The following ANK1 variants were observed in gnomAD, a reference collection of about 807,000 sequenced individuals.
ANK1 encodes ankyrin 1, also known as ankyrin-1.
A neutral mutation model predicts 210.4 loss-of-function variants in ANK1; 51 were observed. The observed-to-expected ratio is 0.24, with a 90% CI of 0.19 to 0.31. The LOEUF is 0.31. Among genes scored for constraint, ANK1 ranks in the 10% least tolerant of loss-of-function variants. ANK1 has a pLI of 1.00. For synonymous variants in ANK1, 967 were observed against 1,025.9 expected (o/e 0.94, Z 1.10); for missense variants, 2,051 against 2,504.4 (o/e 0.82, Z 3.86).
At chr8:41,681,129 A>G (rs895200230) in intron 37 of ANK1, among the ~76,000 whole-genome samples, 2 of 152,212 alleles carry the variant, frequency 1.3e-5, no homozygotes, top group South Asian at 4.1e-4. Flanking sequence ...GCAAATGGGC[A>G]ACAGGGGTCA....
intron 1 of ANK1, among the ~76,000 whole-genome samples, chr8:41,859,121 C>T (rs1812758922): frequency 6.6e-6 from 1 of 152,228 alleles, no homozygotes; most frequent in Non-Finnish European, 1.5e-5. Flanking sequence ...GCCCAAAGAG[C>T]GCAGGCCCCC....
chr8:41,769,977 C>CTTTTTTTTT (rs59542968), intron 1 of ANK1, among the ~76,000 whole-genome samples: 135 of 86,644 alleles, frequency 1.6e-3, no homozygotes, highest in East Asian at 2.9e-3. Context: ...TTTCTTTTTT[C>CTTTTTTTTT]TTTTTTTTTT....
intron 13 of ANK1, 123 bp from the exon 14 acceptor site, chr8:41,715,972 T>A: frequency 9.2e-7 from 1 of 1,091,846 alleles, no homozygotes; most frequent in Non-Finnish European, 1.4e-6. Flanking sequence ...GTCACACAGC[T>A]AAGAAGATGA....
intron 1 of ANK1, among the ~76,000 whole-genome samples, chr8:41,765,919 G>A (rs1195708397): frequency 6.6e-6 from 1 of 152,188 alleles, no homozygotes; most frequent in Non-Finnish European, 1.5e-5. Flanking sequence ...ACCCAGGTGA[G>A]AGAACCCCAG....
rs11778833 is a variant in ANK1 at position 41,703,865 on chromosome 8, G to A, written c.2295+176C>T. 0.21 allele frequency among the ~76,000 whole-genome samples: 31,581 copies of A among 152,104 alleles called. 3,853 individuals are homozygous for A. The highest frequency in any genetic ancestry group is 0.31 in the Middle Eastern group (90 of 292). On this transcript the variant is annotated intron_variant, in intron 20 of 42. Coordinates refer to ENST00000289734, the MANE Select transcript of ANK1 (RefSeq NM_000037.4). ...AGGAAAACGATCAATTCACCAGAAA[G>A]AGGAACTGATCACAGCACCCCATCC... is the stretch of plus-strand genomic sequence containing the variant.
intron 1 of ANK1, among the ~76,000 whole-genome samples, chr8:41,776,140 G>T (rs1248964105): frequency 6.6e-6 from 1 of 152,166 alleles, no homozygotes; most frequent in Non-Finnish European, 1.5e-5. Context: ...GCACCATTCT[G>T]CAACCTAAGG....
chr8:41,745,313 G>A (rs1835838951), intron 2 of ANK1, among the ~76,000 whole-genome samples: 1 of 152,194 alleles, frequency 6.6e-6, no homozygotes, highest in Admixed American at 6.5e-5. Flanking sequence ...ACGTGGGATG[G>A]ATACGTGGGA....
chr8:41,773,252 G>C (rs1484060464), intron 1 of ANK1, among the ~76,000 whole-genome samples: 1 of 152,180 alleles, frequency 6.6e-6, no homozygotes, highest in African/African-American at 2.4e-5. Flanking sequence ...GAGGTGATCA[G>C]AGCCCGGATC....
rs1459405732 is a variant in ANK1 at position 41,780,802 on chromosome 8, G to A, written c.27+16710C>T. On this transcript the variant is annotated intron_variant, in intron 1 of 42. Coordinates refer to ENST00000289734, the MANE Select transcript of ANK1 (RefSeq NM_000037.4). The stretch of plus-strand genomic sequence containing the variant: ...TGTGTATATATGTTCTCGTGTGTGT[G>A]TATGTATCTGTGCATGCATGCATAG... Among the ~76,000 whole-genome samples, 4 of 152,182 alleles carry A rather than the reference G, an allele frequency of 2.6e-5. No homozygotes were observed. The East Asian group carries it at 7.7e-4, about 29-fold the overall frequency.
intron 9 of ANK1, among the ~76,000 whole-genome samples, chr8:41,720,979 A>C (rs1829100538): frequency 6.6e-6 from 1 of 152,170 alleles, no homozygotes; most frequent in Non-Finnish European, 1.5e-5. Context: ...AGCTTTTAGA[A>C]AGTGGAAATG....
intron 15 of ANK1, 101 bp downstream of exon 15, chr8:41,714,875 G>A (rs928517802): frequency 3.3e-5 from 41 of 1,246,902 alleles, no homozygotes; most frequent in Non-Finnish European, 4.3e-5. Flanking sequence ...AAAAAAAGAT[G>A]AACAACACAG....
At chr8:41,726,030 T>G (rs1341552383) in intron 5 of ANK1, 84 bp from the exon 6 acceptor site, 1 of 1,489,242 alleles carries the variant, frequency 6.7e-7, no homozygotes, top group Non-Finnish European at 9.1e-7. Context: ...CCCCTCGGGC[T>G]TATGCTCCCA....
chr8:41,672,122 G>A (rs756127748), intron 38 of ANK1, among the ~76,000 whole-genome samples: 1 of 152,130 alleles, frequency 6.6e-6, no homozygotes, highest in Non-Finnish European at 1.5e-5. Context: ...AGTGCTCCTC[G>A]GGGTCTCTCC....
intron 1 of ANK1, among the ~76,000 whole-genome samples, chr8:41,834,920 G>C (rs1229336691): frequency 3.9e-5 from 6 of 152,220 alleles, no homozygotes; most frequent in Non-Finnish European, 7.3e-5. Context: ...TACACACTCA[G>C]TGCGGGGATC....
At chr8:41,847,947 T>A (rs2150809353) in intron 1 of ANK1, among the ~76,000 whole-genome samples, 1 of 152,158 alleles carries the variant, frequency 6.6e-6, no homozygotes, top group Admixed American at 6.5e-5. Flanking sequence ...GGCGGGCAGA[T>A]CACTTGAGAG....
chr8:41,869,056 C>T (rs1443518586), intron 1 of ANK1, among the ~76,000 whole-genome samples: 1 of 152,200 alleles, frequency 6.6e-6, no homozygotes, highest in East Asian at 1.9e-4. Flanking sequence ...AGCCCTGATT[C>T]TGATGAGAAA....
Position 41,702,111 on chromosome 8 carries a change from A to C in ANK1, c.2329T>G (p.Leu777Val). 6.2e-7 allele frequency: 1 copy of C among 1,614,216 alleles called. No individual in the cohort carries two copies. The highest frequency in any genetic ancestry group is 8.5e-7 in the Non-Finnish European group (1 of 1,180,044). The change falls in exon 21 of 43, where the codon TTG (leucine) becomes GTG (valine). Residue 777 changes from leucine (L) to valine (V), a missense_variant. Around this residue, in one of 6 missense-constraint regions of ANK1, gnomAD observed 1,413 missense variants for 1,707.4 expected, o/e 0.83. Transcript: ENST00000289734. Reference protein sequence around the residue: ...GTTPLAIAKRLGYISVTDVLK... With the variant: ...GTTPLAIAKRVGYISVTDVLK... ...ACGTCGGTGACAGAAATGTAGCCCA[A>C]GCGCTTGGCTATGGCCAGAGGTGTG...
intron 2 of ANK1, among the ~76,000 whole-genome samples, chr8:41,749,508 G>T (rs1837132133): frequency 6.6e-6 from 1 of 151,996 alleles, no homozygotes; most frequent in Non-Finnish European, 1.5e-5. Context: ...TGTTGGTCAG[G>T]CTGGTCTCAA....
Position 41,702,109 on chromosome 8 carries a change from C to G in ANK1, c.2331G>C (p.Leu777Phe). The change falls in exon 21 of 43, where the codon TTG (leucine) becomes TTC (phenylalanine). Residue 777 changes from leucine to phenylalanine, a missense_variant. Around this residue, in one of 6 missense-constraint regions of ANK1, gnomAD observed 1,413 missense variants for 1,707.4 expected, o/e 0.83. Transcript: ENST00000289734. ...GCACGTCGGTGACAGAAATGTAGCC[C>G]AAGCGCTTGGCTATGGCCAGAGGTG... ...GTTPLAIAKR[L>F]GYISVTDVLK... is the part of the protein sequence containing the mutation. The G allele has an allele frequency of 6.2e-7, 1 of 1,614,186 alleles. No homozygotes were observed. Among genetic ancestry groups the G allele is most frequent in the Non-Finnish European group, 8.5e-7 (1 of 1,180,048 alleles).
Sources: gnomAD v4.1 joint callset for allele counts (sites outside exome capture counted in the v4.1 genomes callset) on GRCh38, gnomAD v4.1.1 for gene constraint, gnomAD v4.1.1 regional missense constraint, MANE v1.5 for transcripts, NCBI Gene and HGNC (gene_info 2026-07-23, HGNC 2026-07-21) for gene names.